The following CTNNBL1 variants were observed in gnomAD, a reference collection of about 807,000 sequenced individuals.
CTNNBL1 encodes the protein catenin beta like 1.
Under a neutral mutation model 72.7 loss-of-function variants are expected in CTNNBL1, and 31 were observed. The ratio of observed to expected loss-of-function variants is 0.43; its 90% confidence interval spans 0.32 to 0.58. CTNNBL1 has a LOEUF of 0.58. Ranked by LOEUF, CTNNBL1 falls within the 20% of genes least tolerant of loss-of-function variation. CTNNBL1 has a pLI of 0.08. For missense variants in CTNNBL1, 534 were observed against 725.1 expected (o/e 0.74, Z 3.03); for synonymous variants, 240 against 267.3 (o/e 0.90, Z 1.00).
intron 15 of CTNNBL1, among the ~76,000 whole-genome samples, chr20:37,863,144 C>CGG (rs1203188026): frequency 6.6e-6 from 1 of 152,170 alleles, no homozygotes; most frequent in Non-Finnish European, 1.5e-5. Context: ...TGTGACTCTC[C>CGG]TCGGGACTAG....
chr20:37,703,357 G>A (rs903660388), intron 1 of CTNNBL1, among the ~76,000 whole-genome samples: 2 of 152,052 alleles, frequency 1.3e-5, no homozygotes, highest in African/African-American at 2.4e-5. Context: ...TTAGTCTTCC[G>A]TTATCTTTCA....
chr20:37,870,570 G>A (rs1459366121), intron 15 of CTNNBL1, among the ~76,000 whole-genome samples: 3 of 152,158 alleles, frequency 2.0e-5, no homozygotes, highest in Non-Finnish European at 4.4e-5. Context: ...AAAACATCAA[G>A]AAGCTGAAGA....
At chr20:37,863,996 G>A (rs561191903) in intron 15 of CTNNBL1, among the ~76,000 whole-genome samples, 5 of 152,304 alleles carry the variant, frequency 3.3e-5, no homozygotes, top group African/African-American at 1.2e-4. Flanking sequence ...TGTGGAGCCT[G>A]TGCAGTGTGG....
rs1188638986 is a variant in CTNNBL1 at position 37,872,116 on chromosome 20, G to T, written c.*103G>T. ...TTTGGACAAATTAAAGCTAGTTTTG[G>T]TATCCCCGGGCCAGTTTTCTTTGTA... On this transcript the variant is annotated 3_prime_UTR_variant, in exon 16 of 16. Transcript: ENST00000361383. 4 of 1,042,490 alleles carry T rather than the reference G, an allele frequency of 3.8e-6. No individual in the cohort carries two copies. The East Asian group carries it at 7.4e-5, about 19-fold the overall frequency. 64.6% of individuals were successfully genotyped at this position (1,042,490 alleles called of 1,614,324 possible).
At chr20:37,865,593 G>T (rs558645183) in intron 15 of CTNNBL1, among the ~76,000 whole-genome samples, 17 of 152,138 alleles carry the variant, frequency 1.1e-4, no homozygotes, top group African/African-American at 4.1e-4. Flanking sequence ...AGGCAGCTAC[G>T]CATGGGCATT....
intron 10 of CTNNBL1, among the ~76,000 whole-genome samples, chr20:37,789,137 T>A (rs2073703020): frequency 6.6e-6 from 1 of 152,142 alleles, no homozygotes; most frequent in Non-Finnish European, 1.5e-5. Context: ...TCTCATTTGC[T>A]CACATTAGTG....
intron 6 of CTNNBL1, 81 bp downstream of exon 6, chr20:37,765,371 A>T (rs999214111): frequency 2.2e-6 from 2 of 919,156 alleles, no homozygotes; most frequent in Non-Finnish European, 3.5e-6. Flanking sequence ...TTCCTTCTTC[A>T]TAATAGAGTC....
At chr20:37,808,223 TG>T (rs370154922) in intron 11 of CTNNBL1, among the ~76,000 whole-genome samples, 408 of 152,300 alleles carry the variant, frequency 2.7e-3, no homozygotes, top group African/African-American at 9.3e-3. Flanking sequence ...AGCAAAGAAT[TG>T]TAAGTGATTC....
At chr20:37,767,543 C>A (rs1052944114) in intron 6 of CTNNBL1, among the ~76,000 whole-genome samples, 2 of 152,136 alleles carry the variant, frequency 1.3e-5, no homozygotes, top group African/African-American at 4.8e-5. Context: ...GGAAAGGAAG[C>A]GACTCTTGAG....
At chr20:37,861,890 G>A (rs1218806385) in intron 15 of CTNNBL1, among the ~76,000 whole-genome samples, 1 of 152,196 alleles carries the variant, frequency 6.6e-6, no homozygotes, top group Non-Finnish European at 1.5e-5. Flanking sequence ...AAAATCCTGT[G>A]GGAAGCCTTG....
chr20:37,734,661 C>T (rs574366863), intron 2 of CTNNBL1, among the ~76,000 whole-genome samples: 2 of 152,300 alleles, frequency 1.3e-5, no homozygotes, highest in East Asian at 3.9e-4. Context: ...CCACTGAAGT[C>T]CCATTTGATG....
chr20:37,741,641 C>T (rs908851522), intron 3 of CTNNBL1, among the ~76,000 whole-genome samples: 2 of 152,164 alleles, frequency 1.3e-5, no homozygotes, highest in Non-Finnish European at 2.9e-5. Context: ...TCCTCAGTGC[C>T]TAACACAGTG....
At chr20:37,845,699 T>A (rs2072341634) in intron 13 of CTNNBL1, among the ~76,000 whole-genome samples, 1 of 152,224 alleles carries the variant, frequency 6.6e-6, no homozygotes, top group Non-Finnish European at 1.5e-5. Context: ...CTCTCTGAGG[T>A]TGCAGACAGT....
chr20:37,735,936 A>G (rs541830630), intron 2 of CTNNBL1, among the ~76,000 whole-genome samples: 51 of 152,368 alleles, frequency 3.3e-4, no homozygotes, highest in African/African-American at 1.1e-3. Context: ...TATGAAGAGA[A>G]GCAGGGTGCA....
intron 7 of CTNNBL1, among the ~76,000 whole-genome samples, chr20:37,768,979 A>G (rs954287784): frequency 6.6e-6 from 1 of 152,084 alleles, no homozygotes; most frequent in African/African-American, 2.4e-5. Context: ...GGGTTTCACC[A>G]TGTTGGCCAG....
chr20:37,860,428 T>C (rs2072482263), intron 15 of CTNNBL1, 84 bp downstream of exon 15: 1 of 1,129,942 alleles, frequency 8.9e-7, no homozygotes, highest in African/African-American at 1.5e-5. Flanking sequence ...TCCCTGGTAT[T>C]TGATGTGGAG....
intron 11 of CTNNBL1, among the ~76,000 whole-genome samples, chr20:37,818,505 G>GT (rs912137689): frequency 7.2e-5 from 11 of 152,212 alleles, no homozygotes; most frequent in African/African-American, 2.2e-4. Flanking sequence ...TTCCAGCCTT[G>GT]TGGTCTTGGG....
intron 6 of CTNNBL1, among the ~76,000 whole-genome samples, chr20:37,766,130 A>G (rs2085866545): frequency 6.6e-6 from 1 of 152,186 alleles, no homozygotes; most frequent in African/African-American, 2.4e-5. Context: ...ATCATAAAGA[A>G]GGGGAAACAT....
At chr20:37,837,396 G>C (rs1363877167) in intron 11 of CTNNBL1, among the ~76,000 whole-genome samples, 1 of 152,066 alleles carries the variant, frequency 6.6e-6, no homozygotes, top group Non-Finnish European at 1.5e-5. Context: ...AAGATACTGG[G>C]GGAGCCTGGG....
Sources: allele counts gnomAD v4.1 joint callset (sites outside exome capture counted in the v4.1 genomes callset), GRCh38; gene constraint gnomAD v4.1.1; transcripts MANE v1.5; gene names NCBI Gene and HGNC (gene_info 2026-07-23, HGNC 2026-07-21).